Variants in ZNF462 observed in about 807,000 individuals in gnomAD.
The protein encoded by ZNF462 is zinc finger protein 462.
In ZNF462, 10 loss-of-function variants were observed where a neutral mutation model predicts 201.9. The observed-to-expected ratio is 0.05, with a 90% CI of 0.03 to 0.08. The LOEUF is 0.08. Among genes scored for constraint, ZNF462 ranks in the 10% least tolerant of loss-of-function variants. The probability of loss-of-function intolerance (pLI) is 1.00; values close to 1 mark genes in which losing one functional copy is unlikely to be tolerated. For synonymous variants in ZNF462, 1,227 were observed against 1,193.3 expected (o/e 1.03, Z -0.58); for missense variants, 2,523 against 3,168.3 (o/e 0.80, Z 4.89).
Position 106,932,227 on chromosome 9 carries a change from GT to G in ZNF462, c.6013-217del, listed in dbSNP as rs1208657699. 8 of 1,547,262 alleles carry G rather than the reference GT, an allele frequency of 5.2e-6. No homozygotes were observed. Among genetic ancestry groups the G allele is most frequent in the African/African-American group, 2.7e-5 (2 of 72,962 alleles). ...GGCAATGATGATGGATATTTATTTT[GT>G]TGGTGGGGCATGTGTGTGTGTGTGG... On this transcript the variant is annotated intron_variant, in intron 4 of 12. Transcript: ENST00000277225. This position sits in a 1 kb window ranked among gnomAD's most constrained non-coding sequence, Gnocchi z 6.8.
intron 1 of ZNF462, among the ~76,000 whole-genome samples, chr9:106,864,197 G>C (rs1374593080): frequency 6.6e-6 from 1 of 151,142 alleles, no homozygotes; most frequent in Non-Finnish European, 1.5e-5. Context: ...GGTGAACAGA[G>C]AGGCGAGGAG....
Position 106,977,903 on chromosome 9 carries a change from A to G in ZNF462, c.6832+3630A>G, listed in dbSNP as rs188895121. 1.3e-5 allele frequency among the ~76,000 whole-genome samples: 2 copies of G among 151,722 alleles called. No individual in the cohort carries two copies. Among genetic ancestry groups the G allele is most frequent in the Non-Finnish European group, 2.9e-5 (2 of 68,020 alleles). ...CAGTTCTGGAAGCTAGAACTCTGAA[A>G]TCAAGGTGTTGACAGAGCTGTGTTT... On this transcript the variant is annotated intron_variant, in intron 9 of 12. Coordinates refer to ENST00000277225, the MANE Select transcript of ZNF462 (RefSeq NM_021224.6). The surrounding 1 kb of genome is among the most constrained non-coding windows in gnomAD (Gnocchi z 4.6).
At position 106,928,954 on chromosome 9, in the gene ZNF462, T is replaced by A; in HGVS notation, c.5042T>A (p.Ile1681Asn). Residue 1681 changes from isoleucine (I) to asparagine (N), a missense_variant, in exon 3 of 13, where the codon ATC becomes AAC. Ile to Asn is a moderately radical substitution (Grantham distance 149). This residue lies in a region of ZNF462 where 200 missense variants were observed against 281.3 expected (regional missense o/e 0.71). Transcript: ENST00000277225. This position sits in a 1 kb window ranked among gnomAD's most constrained non-coding sequence, Gnocchi z 9.3. ...AAGGGGATCGCCAGGCACTACCGCA[T>A]CAAGCACAATAATGTCCGAGCCCAG... ...TRKGIARHYR[I>N]KHNNVRAQPE... 6.2e-7 allele frequency: 1 copy of A among 1,614,052 alleles called. No homozygotes were observed.
rs536203152 is a variant in ZNF462, at chr9:106,982,858, G to A, written c.6833-1328G>A. 3.9e-5 allele frequency among the ~76,000 whole-genome samples: 6 copies of A among 152,210 alleles called. No individual in the cohort carries two copies. The South Asian group carries it at 1.2e-3, about 32-fold the overall frequency. ...AAAATTCCCTAGAGCCTGCACACTG[G>A]CCAGCAACAAAGGGAGGACTCTAAA... On this transcript the variant is annotated intron_variant, in intron 9 of 12. Transcript: ENST00000277225.
At position 106,968,528 on chromosome 9, in the gene ZNF462, T is replaced by TA. The variant is rs796478588; in HGVS notation, c.6428-3476dup. On this transcript the variant is annotated intron_variant, in intron 7 of 12. Transcript: ENST00000277225. This position sits in a 1 kb window ranked among gnomAD's most constrained non-coding sequence, Gnocchi z 4.0. ...AGAATAAAACTCTTTTCTCAGACTG[T>TA]ATGTGTCAGGGTTGGTTGGTTGGTT... Among the ~76,000 whole-genome samples the TA allele has an allele frequency of 4.0e-5, 6 of 151,540 alleles. No homozygotes were observed. The highest frequency in any genetic ancestry group is 1.5e-4 in the African/African-American group (6 of 40,842).
intron 1 of ZNF462, among the ~76,000 whole-genome samples, chr9:106,875,637 T>C (rs1190271403): frequency 2.0e-5 from 3 of 152,166 alleles, no homozygotes; most frequent in Non-Finnish European, 2.9e-5. Flanking sequence ...GTGTCATTAC[T>C]AGGGACGTTG....
Position 106,954,319 on chromosome 9 carries a change from G to A in ZNF462, c.6427+15212G>A, listed in dbSNP as rs1213514286. Among the ~76,000 whole-genome samples, 3 of 152,000 alleles carry A rather than the reference G, an allele frequency of 2.0e-5. No individual in the cohort carries two copies. The highest frequency in any genetic ancestry group is 1.9e-4 in the East Asian group (1 of 5,178). On this transcript the variant is annotated intron_variant, in intron 7 of 12. Transcript: ENST00000277225. This position sits in a 1 kb window ranked among gnomAD's most constrained non-coding sequence, Gnocchi z 4.0. The stretch of plus-strand genomic sequence containing the variant: ...GCAGGAGAGAGAAAGAGAGTGAGGG[G>A]GGGATGTGCCATACTTCTAAACCAT...
intron 10 of ZNF462, among the ~76,000 whole-genome samples, chr9:106,985,296 C>A (rs1827749837): frequency 6.6e-6 from 1 of 151,994 alleles, no homozygotes; most frequent in Non-Finnish European, 1.5e-5. Context: ...CAAGGCATTA[C>A]CCAGTATGTC....
chr9:106,916,257 T>C (rs1829769553), intron 1 of ZNF462, among the ~76,000 whole-genome samples: 1 of 152,252 alleles, frequency 6.6e-6, no homozygotes, highest in Admixed American at 6.5e-5. Flanking sequence ...CACGAACACT[T>C]TGGGCCATGA....
At chr9:106,944,403 A>T (rs1395317009) in intron 7 of ZNF462, among the ~76,000 whole-genome samples, 1 of 152,210 alleles carries the variant, frequency 6.6e-6, no homozygotes, top group Non-Finnish European at 1.5e-5. Context: ...TTTTCTAAAC[A>T]TTAGAGATTG....
intron 1 of ZNF462, among the ~76,000 whole-genome samples, chr9:106,910,976 G>C (rs751902657): frequency 4.0e-4 from 61 of 152,160 alleles, no homozygotes; most frequent in Non-Finnish European, 8.4e-4. Context: ...TCATGGAAGA[G>C]TCTGGGATCC....
chr9:106,910,856 C>T (rs1829520809), intron 1 of ZNF462, among the ~76,000 whole-genome samples: 1 of 152,038 alleles, frequency 6.6e-6, no homozygotes. Flanking sequence ...GATGTTGGTT[C>T]TTAACTGAGA....
Position 106,930,924 on chromosome 9 carries a change from A to C in ZNF462, c.6012+235A>C. On this transcript the variant is annotated intron_variant, in intron 4 of 12. Coordinates refer to ENST00000277225, the MANE Select transcript of ZNF462 (RefSeq NM_021224.6). The surrounding 1 kb of genome is among the most constrained non-coding windows in gnomAD (Gnocchi z 5.8). ...CCTTCCACGCGGATAGTTTGGTGGCAGCAGAAGGTCCAGGATTCTCGGTCT... is the reference window on the plus strand; with the variant it reads ...CCTTCCACGCGGATAGTTTGGTGGCCGCAGAAGGTCCAGGATTCTCGGTCT... The C allele has an allele frequency of 2.2e-6, 1 of 454,360 alleles. No homozygotes were observed. Among genetic ancestry groups the C allele is most frequent in the Non-Finnish European group, 4.0e-6 (1 of 250,064 alleles). 28.1% of individuals were successfully genotyped at this position (454,360 alleles called of 1,614,324 possible).
At position 106,935,552 on chromosome 9, in the gene ZNF462, T is replaced by C; in HGVS notation, c.6166T>C (p.Cys2056Arg). 5.0e-6 allele frequency: 8 copies of C among 1,614,152 alleles called. No individual in the cohort carries two copies. The highest frequency in any genetic ancestry group is 2.2e-5 in the East Asian group (1 of 44,874). Residue 2056 changes from cysteine to arginine, a missense_variant, in exon 6 of 13, where the codon TGC becomes CGC. Coordinates refer to ENST00000277225, the MANE Select transcript of ZNF462 (RefSeq NM_021224.6). The surrounding 1 kb of genome is among the most constrained non-coding windows in gnomAD (Gnocchi z 4.1). ...THHGHHKPFR[C>R]KLCSFKSSYN... Reference sequence around the variant, plus strand: ...CCACGGACACCATAAACCATTCCGATGCAAACTCTGCTCCTTCAAGTCCTC... The same window carrying C: ...CCACGGACACCATAAACCATTCCGACGCAAACTCTGCTCCTTCAAGTCCTC...
chr9:106,997,550 C>T (rs1199440422), intron 10 of ZNF462, among the ~76,000 whole-genome samples: 1 of 152,172 alleles, frequency 6.6e-6, no homozygotes, highest in Non-Finnish European at 1.5e-5. Context: ...TTTGAATATC[C>T]TTCCTTGAAG....
chr9:106,921,192 A>C (rs1024194244), intron 1 of ZNF462, among the ~76,000 whole-genome samples: 1 of 152,096 alleles, frequency 6.6e-6, no homozygotes, highest in Non-Finnish European at 1.5e-5. Context: ...TGCACCCCTA[A>C]ATCCTGATGT....
intron 1 of ZNF462, among the ~76,000 whole-genome samples, chr9:106,888,120 C>G (rs1828405434): frequency 6.6e-6 from 1 of 151,700 alleles, no homozygotes; most frequent in Non-Finnish European, 1.5e-5. Context: ...CGGCTCACTG[C>G]AAGCTCCGCC....
In ZNF462 at chr9:107,012,105, C is replaced by CTTTTTTTTT. The variant is rs397893745; in HGVS notation, c.*1091_*1099dup. 3 of 95,078 alleles carry CTTTTTTTTT rather than the reference C, an allele frequency of 3.2e-5. No individual in the cohort carries two copies. Among genetic ancestry groups the CTTTTTTTTT allele is most frequent in the Admixed American group, 1.2e-4 (1 of 8,154 alleles). 5.9% of individuals were successfully genotyped at this position (95,078 alleles called of 1,614,324 possible). A position where few individuals can be genotyped will look rare whatever the true frequency, so the allele number is the denominator to read the frequency against. On this transcript the variant is annotated 3_prime_UTR_variant, in exon 13 of 13. Transcript: ENST00000277225. The stretch of plus-strand genomic sequence containing the variant: ...TGGAAATAACAAAGAAGTTAACTTT[C>CTTTTTTTTT]TTTTTTTTTTTTTTTTTTTTTTTTA...
In ZNF462 at chr9:106,927,143, C is replaced by G. The variant is rs1830228068; in HGVS notation, c.3231C>G (p.Ala1077=). Residue 1077 remains alanine (A), a synonymous_variant, in exon 3 of 13, where the codon GCC becomes GCG. Transcript: ENST00000277225. The part of the protein sequence containing the change: ...MRMVSVDRGS[A]LSQLSFEVGA... ...TGGTGTCTGTGGACAGGGGCTCTGC[C>G]CTTTCTCAATTATCATTTGAGGTGG... The G allele has an allele frequency of 6.2e-7, 1 of 1,614,114 alleles. No homozygotes were observed. Among genetic ancestry groups the G allele is most frequent in the African/African-American group, 1.3e-5 (1 of 75,026 alleles).
Sources: gnomAD v4.1 joint callset for allele counts (sites outside exome capture counted in the v4.1 genomes callset) on GRCh38, gnomAD v4.1.1 for gene constraint, gnomAD v4.1.1 regional missense constraint, Gnocchi (gnomAD v3.1) non-coding constraint, MANE v1.5 for transcripts, NCBI Gene and HGNC (gene_info 2026-07-23, HGNC 2026-07-21) for gene names.